GDA: variants seen among roughly 807,000 people sequenced by gnomAD.
GDA encodes the protein cytoplasmic PSD-95 interactor.
A neutral mutation model predicts 59.6 loss-of-function variants in GDA; 18 were observed. The observed-to-expected ratio is 0.30, with a 90% confidence interval of 0.21 to 0.45. The LOEUF (loss-of-function observed/expected upper bound fraction) is 0.45. Among genes scored for constraint, GDA ranks in the 20% least tolerant of loss-of-function variants. The pLI is 1.00. For missense variants in GDA, 427 were observed against 552.3 expected, an observed-to-expected ratio of 0.77 and a Z score of 2.27; for synonymous variants, 201 against 201.1, an observed-to-expected ratio of 1.00 and a Z score of 0.00.
chr9:72,141,270 A>G (rs1587327918), intron 1 of GDA, among the ~76,000 whole-genome samples: 1 of 152,230 alleles, frequency 6.6e-6, no homozygotes, highest in East Asian at 1.9e-4. Context: ...TCTCACAACT[A>G]TAGTTAGTGG....
intron 8 of GDA, among the ~76,000 whole-genome samples, chr9:72,226,125 A>G (rs1837552845): frequency 6.6e-6 from 1 of 152,122 alleles, no homozygotes; most frequent in Non-Finnish European, 1.5e-5. Flanking sequence ...AGGACATTTT[A>G]ACAGTATCTA....
intron 1 of GDA, among the ~76,000 whole-genome samples, chr9:72,183,444 G>A (rs1249275870): frequency 6.6e-6 from 1 of 151,962 alleles, no homozygotes; most frequent in Non-Finnish European, 1.5e-5. Flanking sequence ...CCACCTGCTG[G>A]GGCTATATGA....
At chr9:72,132,564 C>T (rs1258306590) in intron 1 of GDA, among the ~76,000 whole-genome samples, 1 of 152,072 alleles carries the variant, frequency 6.6e-6, no homozygotes, top group African/African-American at 2.4e-5. Context: ...GATATCTTAG[C>T]CTATTTTTTA....
intron 1 of GDA, among the ~76,000 whole-genome samples, chr9:72,130,409 T>C (rs1825985550): frequency 6.6e-6 from 1 of 152,226 alleles, no homozygotes; most frequent in Admixed American, 6.5e-5. Flanking sequence ...TGAGATCTAA[T>C]GCTTGGCTTA....
At position 72,248,464 on chromosome 9, in the gene GDA, T is replaced by C. The variant is rs1251537910; in HGVS notation, c.*122T>C. The stretch of plus-strand genomic sequence containing the variant: ...TTCTTGGGATGACTATCCCTTTCTG[T>C]GTCTAGTTACAGTATTCACTTGACA... On this transcript the variant is annotated 3_prime_UTR_variant, in exon 14 of 14. Transcript: ENST00000358399. 5 of 1,517,872 alleles carry C rather than the reference T, an allele frequency of 3.3e-6. No homozygotes were observed. The highest frequency in any genetic ancestry group is 2.6e-6 in the Non-Finnish European group (3 of 1,132,318). 94.0% of individuals were successfully genotyped at this position (1,517,872 alleles called of 1,614,324 possible). A position where few individuals can be genotyped will look rare whatever the true frequency, so the allele number is the denominator to read the frequency against.
At chr9:72,134,409 T>G (rs1826145805) in intron 1 of GDA, among the ~76,000 whole-genome samples, 1 of 152,052 alleles carries the variant, frequency 6.6e-6, no homozygotes, top group South Asian at 2.1e-4. Context: ...CCAACTTTTT[T>G]TTTTTTTCTT....
At chr9:72,144,274 A>G (rs183685320) in intron 1 of GDA, among the ~76,000 whole-genome samples, 10 of 152,318 alleles carry the variant, frequency 6.6e-5, no homozygotes, top group African/African-American at 2.4e-4. Flanking sequence ...AATATCAAAT[A>G]GCATACTAGA....
At chr9:72,134,121 T>C (rs973209374) in intron 1 of GDA, among the ~76,000 whole-genome samples, 1 of 151,926 alleles carries the variant, frequency 6.6e-6, no homozygotes, top group African/African-American at 2.4e-5. Flanking sequence ...GCTTGGCAAA[T>C]AGGGATGAAC....
Position 72,203,482 on chromosome 9 carries a change from G to A in GDA, c.384+740G>A, listed in dbSNP as rs183536011. 2.9e-3 allele frequency among the ~76,000 whole-genome samples: 441 copies of A among 152,300 alleles called. 2 individuals are homozygous for A. The highest frequency in any genetic ancestry group is 6.0e-3 in the Admixed American group (91 of 15,292). ...CAGCCATATGTTGAAGGCTCTGAAA[G>A]TGTCCTTCCTTCTCCTCTTTCAGGA... On this transcript the variant is annotated intron_variant, in intron 3 of 13. Transcript: ENST00000358399.
intron 10 of GDA, among the ~76,000 whole-genome samples, chr9:72,233,419 A>G (rs2131687369): frequency 6.6e-6 from 1 of 152,366 alleles, no homozygotes; most frequent in South Asian, 2.1e-4. Context: ...TCATGGTTCT[A>G]TGAAAAGATT....
intron 1 of GDA, among the ~76,000 whole-genome samples, chr9:72,166,600 A>C (rs1442919383): frequency 2.0e-5 from 3 of 152,212 alleles, no homozygotes; most frequent in Non-Finnish European, 4.4e-5. Context: ...TGATCATTAC[A>C]TATTCTATGC....
downstream of GDA, among the ~76,000 whole-genome samples, chr9:72,258,457 G>A (rs1840909292): frequency 1.3e-5 from 2 of 152,220 alleles, no homozygotes; most frequent in South Asian, 4.1e-4. Context: ...ACCCTTGGGA[G>A]CCATGAGCTG....
intron 1 of GDA, among the ~76,000 whole-genome samples, chr9:72,153,706 C>A (rs192667397): frequency 2.1e-4 from 31 of 150,802 alleles, no homozygotes; most frequent in Non-Finnish European, 4.3e-4. Context: ...TGGAAACTGT[C>A]GCAAGGACAA....
intron 1 of GDA, among the ~76,000 whole-genome samples, chr9:72,160,164 G>C (rs976835055): frequency 5.9e-5 from 9 of 152,076 alleles, no homozygotes; most frequent in African/African-American, 1.9e-4. Context: ...AAAAAAATTA[G>C]CTGGGCATGG....
At position 72,149,548 on chromosome 9, in the gene GDA, T is replaced by TCCGCC. The variant is rs1407979474; in HGVS notation, c.-11_-7dup. On this transcript the variant is annotated 5_prime_UTR_variant, in exon 1 of 14. Transcript: ENST00000358399. ...CTCGACCAGCAGACCCGCGCTGCGC[T>TCCGCC]CCGCCGCTGACATGTGTGCCGCTCA... The TCCGCC allele has an allele frequency of 6.2e-7, 1 of 1,608,548 alleles. No individual in the cohort carries two copies. The highest frequency in any genetic ancestry group is 1.7e-5 in the Admixed American group (1 of 59,886).
chr9:72,175,901 G>T (rs556351786), intron 1 of GDA, among the ~76,000 whole-genome samples: 1 of 152,344 alleles, frequency 6.6e-6, no homozygotes, highest in South Asian at 2.1e-4. Context: ...GGCTTCTTAA[G>T]ACTGCAATGT....
chr9:72,222,502 A>G (rs1837017728), intron 6 of GDA, among the ~76,000 whole-genome samples: 1 of 152,044 alleles, frequency 6.6e-6, no homozygotes, highest in Non-Finnish European at 1.5e-5. Flanking sequence ...ACTTTCTCCC[A>G]TTCTGTTGGT....
intron 1 of GDA, among the ~76,000 whole-genome samples, chr9:72,167,993 G>C (rs991881521): frequency 6.6e-6 from 1 of 152,148 alleles, no homozygotes; most frequent in Non-Finnish European, 1.5e-5. Flanking sequence ...GCAGGGATTA[G>C]GTCTTACTCA....
chr9:72,187,905 T>C (rs1832056648), intron 1 of GDA, among the ~76,000 whole-genome samples: 1 of 152,192 alleles, frequency 6.6e-6, no homozygotes, highest in East Asian at 1.9e-4. Flanking sequence ...TGTTATAAAG[T>C]AGCAAAGAAC....
Sources: allele counts gnomAD v4.1 joint callset (sites outside exome capture counted in the v4.1 genomes callset), GRCh38; gene constraint gnomAD v4.1.1; transcripts MANE v1.5; gene names NCBI Gene and HGNC (gene_info 2026-07-23, HGNC 2026-07-21).